The following CD300LD variants were observed in gnomAD, a reference collection of about 807,000 sequenced individuals.
CD300LD encodes CD300 molecule like family member d.
CD300LD carries 18 observed loss-of-function variants against 20.3 expected under a neutral mutation model. The ratio of observed to expected loss-of-function variants is 0.89; its 90% CI spans 0.61 to 1.32. CD300LD has a LOEUF of 1.32. CD300LD is among the 40% of genes most tolerant of loss of function. The pLI is 0.00. For synonymous variants in CD300LD, 104 were observed against 90.1 expected (o/e 1.15, Z -0.87); for missense variants, 195 against 226.6 (o/e 0.86, Z 0.90).
Position 74,588,722 on chromosome 17 carries a change from A to T in CD300LD, c.168T>A (p.Ala56=). 1 of 1,614,216 alleles carries T rather than the reference A, an allele frequency of 6.2e-7. No homozygotes were observed. The highest frequency in any genetic ancestry group is 8.5e-7 in the Non-Finnish European group (1 of 1,180,034). Residue 56 remains alanine, a synonymous_variant, in exon 2 of 4, where the codon GCT becomes GCA. Transcript: ENST00000375352. ...ETYLKWRCQG[A]DWNYCNILVK... is the part of the protein sequence containing the mutation. ...CAAGGATGTTACAGTAATTCCAATC[A>T]GCTCCTTGACACCGCCACTTCAAGT...
At chr17:74,588,881 C>A in intron 1 of CD300LD, 32 bp from the exon 2 acceptor site, 1 of 1,536,226 alleles carries the variant, frequency 6.5e-7, no homozygotes, top group South Asian at 1.2e-5. Context: ...GTCGTCACCT[C>A]CCACCCCAAG....
At chr17:74,580,915 A>AAAAT (rs1037994369) in intron 3 of CD300LD, among the ~76,000 whole-genome samples, 1 of 151,878 alleles carries the variant, frequency 6.6e-6, no homozygotes, top group African/African-American at 2.4e-5. Context: ...AAAAAAAAAA[A>AAAAT]AAAGACAGAA....
intron 1 of CD300LD, among the ~76,000 whole-genome samples, chr17:74,590,140 C>T (rs944356273): frequency 6.6e-6 from 1 of 152,150 alleles, no homozygotes; most frequent in African/African-American, 2.4e-5. Context: ...ACATTGTTCT[C>T]GTGGTAGTGA....
In CD300LD at chr17:74,588,688, T is replaced by G; in HGVS notation, c.202A>C (p.Asn68His). ...WNYCNILVKT[N>H]GSEQEVKKNR... Reference sequence around the variant, plus strand: ...TTCTTTACCTCCTGCTCTGATCCATTTGTTTTAACAAGGATGTTACAGTAA... The same window carrying G: ...TTCTTTACCTCCTGCTCTGATCCATGTGTTTTAACAAGGATGTTACAGTAA... Residue 68 changes from asparagine (N) to histidine (H), a missense_variant, in exon 2 of 4, where the codon AAT becomes CAT. Transcript: ENST00000375352. The G allele has an allele frequency of 6.2e-7, 1 of 1,614,216 alleles. No individual in the cohort carries two copies.
Position 74,588,834 on chromosome 17 carries a change from G to T in CD300LD, c.56C>A (p.Ala19Asp), listed in dbSNP as rs1408514033. Residue 19 changes from alanine to aspartate, a missense_variant, in exon 2 of 4, where the codon GCT (alanine) becomes GAT (aspartate). Physicochemically the swap from Ala to Asp is moderately radical, Grantham distance 126. Coordinates refer to ENST00000375352, the MANE Select transcript of CD300LD (RefSeq NM_001115152.2). ...LLILPGYSIA[A>D]KITGPTTVNG... ...CACTGTTGTTGGACCAGTGATTTTA[G>T]CGGCAATGGAGTAACCTGGAAAACG... The T allele has an allele frequency of 6.2e-7, 1 of 1,607,888 alleles. No individual in the cohort carries two copies. The highest frequency in any genetic ancestry group is 8.5e-7 in the Non-Finnish European group (1 of 1,174,884).
chr17:74,583,482 A>T (rs2030084104), intron 2 of CD300LD, among the ~76,000 whole-genome samples: 1 of 152,222 alleles, frequency 6.6e-6, no homozygotes, highest in South Asian at 2.1e-4. Flanking sequence ...TCGGACTTCC[A>T]GCCTCCAGAA....
chr17:74,586,580 C>T (rs1598130337), intron 2 of CD300LD, among the ~76,000 whole-genome samples: 1 of 152,120 alleles, frequency 6.6e-6, no homozygotes, highest in Non-Finnish European at 1.5e-5. Flanking sequence ...CAGCCCACAG[C>T]CCCATCTCAG....
intron 3 of CD300LD, among the ~76,000 whole-genome samples, chr17:74,581,168 AAAAC>A (rs1395483380): frequency 6.6e-6 from 1 of 152,026 alleles, no homozygotes; most frequent in African/African-American, 2.4e-5. Context: ...GAGGAGGAAA[AAAAC>A]AAACAAAAAA....
At chr17:74,585,714 A>G (rs1205490078) in intron 2 of CD300LD, among the ~76,000 whole-genome samples, 1 of 152,186 alleles carries the variant, frequency 6.6e-6, no homozygotes, top group Non-Finnish European at 1.5e-5. Context: ...GATTGCTAGA[A>G]TCTATATTTG....
chr17:74,591,792 T>G (rs2030324529), intron 1 of CD300LD, among the ~76,000 whole-genome samples: 1 of 136,458 alleles, frequency 7.3e-6, no homozygotes, highest in African/African-American at 2.8e-5. Context: ...CACTCCAGCC[T>G]GGGTGACAGA....
chr17:74,580,018 G>A lies in CD300LD; in HGVS notation c.569C>T (p.Pro190Leu), dbSNP rs777137533. 6.2e-7 allele frequency: 1 copy of A among 1,610,788 alleles called. No homozygotes were observed. Among genetic ancestry groups the A allele is most frequent in the Non-Finnish European group, 8.5e-7 (1 of 1,178,074 alleles). The stretch of plus-strand genomic sequence containing the variant: ...CCTCCTCCTTCAAGACCTTCTTTGT[G>A]GTCTGTTTACCCAGAGGACGGTCCC... Reference protein sequence around the residue: ...MLGTVLWVNRPQRRS With the variant: ...MLGTVLWVNRLQRRS Residue 190 changes from proline to leucine, a missense_variant, in exon 4 of 4, where the codon CCA becomes CTA. Transcript: ENST00000375352.
At chr17:74,588,426 G>A in intron 2 of CD300LD, 85 bp downstream of exon 2, 1 of 836,068 alleles carries the variant, frequency 1.2e-6, no homozygotes, top group South Asian at 1.7e-5. Flanking sequence ...CACTCTGAGT[G>A]ACAGTTAATT....
intron 1 of CD300LD, chr17:74,591,955 T>G: frequency 1.4e-6 from 2 of 1,415,062 alleles, no homozygotes; most frequent in Non-Finnish European, 9.5e-7. Context: ...GCTATACTTG[T>G]TTTGTTTTGT....
chr17:74,583,085 G>A (rs540655821), intron 2 of CD300LD, among the ~76,000 whole-genome samples: 27 of 152,042 alleles, frequency 1.8e-4, no homozygotes, highest in Non-Finnish European at 3.7e-4. Flanking sequence ...TGTATACCCG[G>A]TAACACCACC....
At chr17:74,587,636 T>C (rs527249569) in intron 2 of CD300LD, among the ~76,000 whole-genome samples, 5 of 152,352 alleles carry the variant, frequency 3.3e-5, no homozygotes, top group East Asian at 3.9e-4. Flanking sequence ...TTTGATCTTT[T>C]TTTTCCCTAG....
At chr17:74,583,695 T>C (rs377262666) in intron 2 of CD300LD, among the ~76,000 whole-genome samples, 80 of 152,086 alleles carry the variant, frequency 5.3e-4, no homozygotes, top group African/African-American at 1.8e-3. Context: ...CATTGGTATA[T>C]CAGTAGAACA....
intron 1 of CD300LD, among the ~76,000 whole-genome samples, chr17:74,589,237 T>C (rs1166887879): frequency 6.6e-6 from 1 of 152,242 alleles, no homozygotes; most frequent in Non-Finnish European, 1.5e-5. Flanking sequence ...GATTGCTGCC[T>C]TGATGCTTGG....
chr17:74,580,634 C>T (rs1381960008), intron 3 of CD300LD, among the ~76,000 whole-genome samples: 3 of 152,100 alleles, frequency 2.0e-5, no homozygotes, highest in Non-Finnish European at 2.9e-5. Context: ...ATGTGTAAGG[C>T]CCAGAACCTT....
chr17:74,588,635 C>T lies in CD300LD; in HGVS notation c.255G>A (p.Gln85=). 6.2e-7 allele frequency: 1 copy of T among 1,614,152 alleles called. No individual in the cohort carries two copies. The highest frequency in any genetic ancestry group is 1.1e-5 in the South Asian group (1 of 91,074). Residue 85 remains glutamine (Q), a synonymous_variant, in exon 2 of 4, where the codon CAG becomes CAA. Coordinates refer to ENST00000375352, the MANE Select transcript of CD300LD (RefSeq NM_001115152.2). ...KKNRVSIRDN[Q]KNHVFTVTME... ...TGGTCACGGTGAACACGTGGTTTTT[C>T]TGATTGTCCCTGATGGAAACTCGAT...
Sources: allele counts gnomAD v4.1 joint callset (sites outside exome capture counted in the v4.1 genomes callset), GRCh38; gene constraint gnomAD v4.1.1; transcripts MANE v1.5; gene names NCBI Gene and HGNC (gene_info 2026-07-23, HGNC 2026-07-21).